Variants in TASP1 observed in about 807,000 individuals in gnomAD.
TASP1 encodes taspase 1.
A neutral mutation model predicts 56.6 loss-of-function variants in TASP1; 16 were observed. The observed-to-expected ratio is 0.28, with a 90% CI of 0.19 to 0.43. TASP1 has a LOEUF of 0.43. Among genes scored for constraint, TASP1 ranks in the 20% least tolerant of loss-of-function variants. The pLI is 1.00. For missense variants in TASP1, 393 were observed against 511.6 expected (o/e 0.77, Z 2.24); for synonymous variants, 179 against 184.2 (o/e 0.97, Z 0.23).
chr20:13,603,080 A>G (rs1181581566), intron 4 of TASP1, among the ~76,000 whole-genome samples: 1 of 152,034 alleles, frequency 6.6e-6, no homozygotes, highest in Non-Finnish European at 1.5e-5. Flanking sequence ...AAAATACAAA[A>G]AGCAGCTGGG....
the TASP1 span, among the ~76,000 whole-genome samples, chr20:13,281,648 A>G: frequency 1.3e-5 from 2 of 152,152 alleles, no homozygotes; most frequent in African/African-American, 4.8e-5. Flanking sequence ...CTTTCTGGGG[A>G]AAAAAGTAGC....
the TASP1 span, among the ~76,000 whole-genome samples, chr20:13,122,468 G>T: frequency 6.6e-6 from 1 of 152,294 alleles, no homozygotes; most frequent in South Asian, 2.1e-4. Flanking sequence ...TACTCTTCTG[G>T]GGAGAAGTCT....
At chr20:13,284,865 G>A in the TASP1 span, among the ~76,000 whole-genome samples, 1 of 152,226 alleles carries the variant, frequency 6.6e-6, no homozygotes, top group South Asian at 2.1e-4. Context: ...TTAAAATAAA[G>A]ATGTGGAGAA....
the TASP1 span, among the ~76,000 whole-genome samples, chr20:13,318,425 C>T: frequency 1.5e-4 from 23 of 151,894 alleles, no homozygotes; most frequent in African/African-American, 5.6e-4. Flanking sequence ...TTGATGTTTG[C>T]TTATGAAATT....
intron 4 of TASP1, among the ~76,000 whole-genome samples, chr20:13,590,900 A>G (rs1410655010): frequency 6.6e-6 from 1 of 152,078 alleles, no homozygotes. Flanking sequence ...AAAAATTTTT[A>G]GAGATGAAGT....
At chr20:13,470,806 C>T (rs2044461511) in intron 11 of TASP1, among the ~76,000 whole-genome samples, 2 of 152,130 alleles carry the variant, frequency 1.3e-5, no homozygotes, top group African/African-American at 2.4e-5. Context: ...CTTTTCTCAC[C>T]CTGCCACTAC....
the TASP1 span, among the ~76,000 whole-genome samples, chr20:13,279,288 A>G: frequency 2.0e-5 from 3 of 152,226 alleles, no homozygotes; most frequent in African/African-American, 7.2e-5. Context: ...TCTCAATACC[A>G]CATGGAGGAG....
At chr20:13,298,466 G>T in the TASP1 span, among the ~76,000 whole-genome samples, 17 of 152,170 alleles carry the variant, frequency 1.1e-4, 1 homozygote, top group Admixed American at 1.1e-3. Context: ...TCTTAAGTTT[G>T]TTAGGAGTGA....
At chr20:13,438,769 G>T (rs74683675) in intron 11 of TASP1, among the ~76,000 whole-genome samples, 4,953 of 151,910 alleles carry the variant, frequency 0.033, 263 homozygotes, top group African/African-American at 0.11. Context: ...GACAAAGGGC[G>T]AATATCCAGA....
intron 11 of TASP1, among the ~76,000 whole-genome samples, chr20:13,468,287 T>G (rs1026963252): frequency 1.3e-5 from 2 of 152,092 alleles, no homozygotes; most frequent in Non-Finnish European, 2.9e-5. Flanking sequence ...AAATCACCAA[T>G]GTCATTATGC....
At chr20:13,177,660 G>A in the TASP1 span, among the ~76,000 whole-genome samples, 2 of 152,128 alleles carry the variant, frequency 1.3e-5, no homozygotes, top group African/African-American at 4.8e-5. Context: ...ACTATTTAGG[G>A]AAAGGACTGT....
At chr20:13,443,713 AGAG>A (rs1183839152) in intron 11 of TASP1, among the ~76,000 whole-genome samples, 1 of 152,230 alleles carries the variant, frequency 6.6e-6, no homozygotes, top group Non-Finnish European at 1.5e-5. Context: ...AAGAAATTTG[AGAG>A]GAGAACCACA....
At chr20:13,245,581 C>T in the TASP1 span, among the ~76,000 whole-genome samples, 2 of 152,180 alleles carry the variant, frequency 1.3e-5, no homozygotes, top group African/African-American at 2.4e-5. Flanking sequence ...TACTCCCCTC[C>T]ACATGTACCT....
At chr20:13,601,757 A>C (rs1333588464) in intron 4 of TASP1, among the ~76,000 whole-genome samples, 1 of 152,116 alleles carries the variant, frequency 6.6e-6, no homozygotes, top group Non-Finnish European at 1.5e-5. Flanking sequence ...ATGTGATACA[A>C]GTCAACATCA....
At chr20:13,506,678 A>G (rs1429126691) in intron 10 of TASP1, among the ~76,000 whole-genome samples, 2 of 152,174 alleles carry the variant, frequency 1.3e-5, no homozygotes, top group Non-Finnish European at 2.9e-5. Context: ...GAAGCACTTG[A>G]GAAAATTCAA....
intron 11 of TASP1, among the ~76,000 whole-genome samples, chr20:13,453,293 G>C (rs1193417170): frequency 6.6e-6 from 1 of 152,092 alleles, no homozygotes; most frequent in Admixed American, 6.6e-5. Context: ...TGGCAAAAGA[G>C]AAGAATGGAT....
the TASP1 span, among the ~76,000 whole-genome samples, chr20:13,109,046 A>T: frequency 6.6e-6 from 1 of 152,122 alleles, no homozygotes; most frequent in African/African-American, 2.4e-5. Flanking sequence ...AACCTCGGCC[A>T]TTTTTTTCTT....
the TASP1 span, among the ~76,000 whole-genome samples, chr20:13,311,216 T>A: frequency 6.6e-4 from 88 of 133,270 alleles, no homozygotes; most frequent in Middle Eastern, 7.0e-3. Context: ...TATAGATAGA[T>A]GATAGATAGA....
chr20:13,634,150 C>T (rs1254678682), intron 1 of TASP1, among the ~76,000 whole-genome samples: 1 of 152,092 alleles, frequency 6.6e-6, no homozygotes, highest in Non-Finnish European at 1.5e-5. Flanking sequence ...GGTCCATCAA[C>T]TGATGATGAA....
Sources: gnomAD v4.1 joint callset for allele counts (sites outside exome capture counted in the v4.1 genomes callset) on GRCh38, gnomAD v4.1.1 for gene constraint, MANE v1.5 for transcripts, NCBI Gene and HGNC (gene_info 2026-07-23, HGNC 2026-07-21) for gene names.